Variants in ZDHHC8 observed in about 807,000 individuals in gnomAD.
The protein encoded by ZDHHC8 is palmitoyltransferase ZDHHC8.
ZDHHC8 carries 24 observed loss-of-function variants against 61.2 expected under a neutral mutation model. The ratio of observed to expected loss-of-function variants is 0.39; its 90% CI spans 0.28 to 0.55. ZDHHC8 has a LOEUF of 0.55. Ranked by LOEUF, ZDHHC8 falls within the 20% of genes least tolerant of loss-of-function variation. The pLI is 0.60. For synonymous variants in ZDHHC8, 523 were observed against 492.5 expected (o/e 1.06, Z -0.82); for missense variants, 935 against 1,102.1 (o/e 0.85, Z 2.15).
chr22:20,132,838 G>C (rs1410658925), intron 1 of ZDHHC8, among the ~76,000 whole-genome samples: 1 of 152,262 alleles, frequency 6.6e-6, no homozygotes, highest in African/African-American at 2.4e-5. Flanking sequence ...TGTGGCTGTG[G>C]GGTCACCCCA....
At chr22:20,141,610 C>T (rs1325900091) in intron 9 of ZDHHC8, 80 bp downstream of exon 9, 25 of 1,172,166 alleles carry the variant, frequency 2.1e-5, no homozygotes, top group African/African-American at 7.7e-5. Flanking sequence ...GCCTTCACCC[C>T]GTGAAGGCCC....
chr22:20,139,534 G>A lies in ZDHHC8; in HGVS notation c.283G>A (p.Asp95Asn). The change falls in exon 3 of 11, where the codon GAT (aspartate) becomes AAT (asparagine). Residue 95 changes from aspartate to asparagine, a missense_variant. This residue lies in a region of ZDHHC8 where 199 missense variants were observed against 334.0 expected (regional missense o/e 0.60). Coordinates refer to ENST00000334554, the MANE Select transcript of ZDHHC8 (RefSeq NM_013373.4). ...DFRAPLYKNVDVRGIQVRMKW... is the reference protein window; with the variant it reads ...DFRAPLYKNVNVRGIQVRMKW... ...CCGGGCTCCGCTGTACAAGAACGTGGATGTGCGAGGTATCCAGGTCCGCAT... is the reference window on the plus strand; with the variant it reads ...CCGGGCTCCGCTGTACAAGAACGTGAATGTGCGAGGTATCCAGGTCCGCAT... The A allele has an allele frequency of 1.2e-6, 2 of 1,613,540 alleles. No homozygotes were observed. Among genetic ancestry groups the A allele is most frequent in the Non-Finnish European group, 1.7e-6 (2 of 1,180,004 alleles).
In ZDHHC8 at chr22:20,147,416, C is replaced by T. The variant is rs2050538383; in HGVS notation, c.*2016C>T. On this transcript the variant is annotated 3_prime_UTR_variant, in exon 11 of 11. Transcript: ENST00000334554. ...CTGTGTCCACATGACCTCAGGGAGTCCCCCACCTGCTGCAGGGGGTCCAGC... is the reference window on the plus strand; with the variant it reads ...CTGTGTCCACATGACCTCAGGGAGTTCCCCACCTGCTGCAGGGGGTCCAGC... 2 of 566,418 alleles carry T rather than the reference C, an allele frequency of 3.5e-6. No individual in the cohort carries two copies. The highest frequency in any genetic ancestry group is 2.9e-6 in the Non-Finnish European group (1 of 350,762). 35.1% of individuals were successfully genotyped at this position (566,418 alleles called of 1,614,324 possible). A position where few individuals can be genotyped will look rare whatever the true frequency, so the allele number is the denominator to read the frequency against.
At chr22:20,135,428 G>A (rs1202976620) in intron 1 of ZDHHC8, among the ~76,000 whole-genome samples, 2 of 152,226 alleles carry the variant, frequency 1.3e-5, no homozygotes, top group African/African-American at 2.4e-5. Context: ...GTGAATGTCC[G>A]AGGGCTGGGG....
At position 20,143,370 on chromosome 22, in the gene ZDHHC8, C is replaced by T. The variant is rs191306598; in HGVS notation, c.1740C>T (p.Asp580=). The T allele has an allele frequency of 3.2e-4, 505 of 1,584,606 alleles. No homozygotes were observed. The highest frequency in any genetic ancestry group is 4.0e-4 in the Non-Finnish European group (462 of 1,169,072). The change falls in exon 10 of 11, where the codon GAC becomes GAT. Residue 580 remains aspartate, a synonymous_variant. Coordinates refer to ENST00000334554, the MANE Select transcript of ZDHHC8 (RefSeq NM_013373.4). ...TCTTCGGCGACTCAGGCGTCTATGA[C>T]GCTCCCAGCTCCTACAGCCTGCAGC... The part of the protein sequence containing the change: ...DSLFGDSGVY[D]APSSYSLQQA...
Position 20,145,480 on chromosome 22 carries a change from T to G in ZDHHC8, c.*80T>G. The G allele has an allele frequency of 7.5e-7, 1 of 1,338,078 alleles. No homozygotes were observed. The highest frequency in any genetic ancestry group is 1.9e-5 in the South Asian group (1 of 53,858). 82.9% of individuals were successfully genotyped at this position (1,338,078 alleles called of 1,614,324 possible). On this transcript the variant is annotated 3_prime_UTR_variant, in exon 11 of 11. Transcript: ENST00000334554. ...CACCCCCCCTCCCCACCAACTTCTC[T>G]GCCCCAGGGACCCGAGGCCACCCCA...
intron 5 of ZDHHC8, 119 bp downstream of exon 5, chr22:20,140,336 G>T: frequency 9.2e-7 from 1 of 1,090,368 alleles, no homozygotes; most frequent in Non-Finnish European, 1.3e-6. Flanking sequence ...GTGTTGAGAC[G>T]AGGCTCCAAC....
At chr22:20,137,621 C>T (rs1482079158) in intron 1 of ZDHHC8, among the ~76,000 whole-genome samples, 2 of 152,388 alleles carry the variant, frequency 1.3e-5, no homozygotes, top group East Asian at 1.9e-4. Flanking sequence ...TCATTTTGCA[C>T]AGACTATGTA....
rs752072853 is a variant in ZDHHC8 at position 20,142,991 on chromosome 22, A to AG, written c.1368dup (p.Pro457AlafsTer7). On this transcript the variant is annotated frameshift_variant, in exon 10 of 11. Transcript: ENST00000334554. LOFTEE classifies it high-confidence loss of function. ...GTGGCCCTGCAGCCCCTGCGCTCTG[A>AG]GGGGGGGCCCCCCACGCCCCACCGT... The AG allele has an allele frequency of 1.2e-6, 2 of 1,605,708 alleles. No homozygotes were observed. The highest frequency in any genetic ancestry group is 1.1e-5 in the South Asian group (1 of 90,648).
In ZDHHC8 at chr22:20,147,200, C is replaced by G; in HGVS notation, c.*1800C>G. 6.7e-7 allele frequency: 1 copy of G among 1,503,672 alleles called. No individual in the cohort carries two copies. Among genetic ancestry groups the G allele is most frequent in the Non-Finnish European group, 8.9e-7 (1 of 1,123,760 alleles). The allele number at this position is 1,503,672 out of a possible 1,614,324, so 93.1% of individuals were successfully genotyped here. A position where few individuals can be genotyped will look rare whatever the true frequency, so the allele number is the denominator to read the frequency against. On this transcript the variant is annotated 3_prime_UTR_variant, in exon 11 of 11. Coordinates refer to ENST00000334554, the MANE Select transcript of ZDHHC8 (RefSeq NM_013373.4). ...ATGTGCCGCCTGCACTTGGCTGCCT[C>G]CAGTCTTTTCCCCAGCCTCTCGGGG...
intron 1 of ZDHHC8, among the ~76,000 whole-genome samples, chr22:20,137,911 C>G (rs975319299): frequency 2.0e-5 from 3 of 152,236 alleles, no homozygotes; most frequent in Non-Finnish European, 4.4e-5. Context: ...GCTGTGTCCT[C>G]ACCCTGGTGT....
At position 20,132,846 on chromosome 22, in the gene ZDHHC8, C is replaced by G. The variant is rs536696624; in HGVS notation, c.104+795C>G. 5.2e-4 allele frequency among the ~76,000 whole-genome samples: 79 copies of G among 152,348 alleles called. 1 individual carries two copies. The highest frequency in any genetic ancestry group is 1.1e-3 in the Non-Finnish European group (74 of 68,016). On this transcript the variant is annotated intron_variant, in intron 1 of 10. Coordinates refer to ENST00000334554, the MANE Select transcript of ZDHHC8 (RefSeq NM_013373.4). ...CTCCCTCTGTGGCTGTGGGGTCACCCCAGGGCTCCTTCAGGCACAAGGAGG... is the reference window on the plus strand; with the variant it reads ...CTCCCTCTGTGGCTGTGGGGTCACCGCAGGGCTCCTTCAGGCACAAGGAGG...
chr22:20,134,174 C>T (rs2050401581), intron 1 of ZDHHC8, among the ~76,000 whole-genome samples: 1 of 152,268 alleles, frequency 6.6e-6, no homozygotes, highest in African/African-American at 2.4e-5. Flanking sequence ...GTCCCTGTAG[C>T]AGGATGGTGG....
Position 20,147,056 on chromosome 22 carries a change from G to A in ZDHHC8, c.*1656G>A, listed in dbSNP as rs1283411666. ...GGCACCTGCACCCGTGGATGGGGGC[G>A]GCGTGGCCAGCCTTGGGTGCCTCCT... is the stretch of plus-strand genomic sequence containing the variant. On this transcript the variant is annotated 3_prime_UTR_variant, in exon 11 of 11. Transcript: ENST00000334554. 20 of 1,470,704 alleles carry A rather than the reference G, an allele frequency of 1.4e-5. No individual in the cohort carries two copies. The highest frequency in any genetic ancestry group is 1.2e-4 in the South Asian group (9 of 74,560). 91.1% of individuals were successfully genotyped at this position (1,470,704 alleles called of 1,614,324 possible).
rs532138506 is a variant in ZDHHC8, at chr22:20,134,804, C to T, written c.104+2753C>T. ...TCTTGGGACCAGCAGGACATTCACA[C>T]ATCTCTCTAGGAGGGTCTGGGCATG... is the stretch of plus-strand genomic sequence containing the variant. On this transcript the variant is annotated intron_variant, in intron 1 of 10. Coordinates refer to ENST00000334554, the MANE Select transcript of ZDHHC8 (RefSeq NM_013373.4). Among the ~76,000 whole-genome samples, 4 of 152,314 alleles carry T rather than the reference C, an allele frequency of 2.6e-5. No homozygotes were observed. The East Asian group carries it at 7.7e-4, about 29-fold the overall frequency.
Position 20,147,259 on chromosome 22 carries a change from C to T in ZDHHC8, c.*1859C>T, listed in dbSNP as rs1432994205. 1.4e-6 allele frequency: 2 copies of T among 1,413,566 alleles called. No homozygotes were observed. The highest frequency in any genetic ancestry group is 1.8e-6 in the Non-Finnish European group (2 of 1,082,154). 87.6% of individuals were successfully genotyped at this position (1,413,566 alleles called of 1,614,324 possible). A position where few individuals can be genotyped will look rare whatever the true frequency, so the allele number is the denominator to read the frequency against. On this transcript the variant is annotated 3_prime_UTR_variant, in exon 11 of 11. Transcript: ENST00000334554. ...GGATGACAAGTAGGCGGCTCTGGGGCCCAGGACAGCCCAGCTGGGGACCCA... is the reference window on the plus strand; with the variant it reads ...GGATGACAAGTAGGCGGCTCTGGGGTCCAGGACAGCCCAGCTGGGGACCCA...
At chr22:20,138,275 C>T (rs1208299707) in intron 1 of ZDHHC8, among the ~76,000 whole-genome samples, 1 of 152,266 alleles carries the variant, frequency 6.6e-6, no homozygotes, top group African/African-American at 2.4e-5. Flanking sequence ...GTTCCTGTCC[C>T]TGCTGCTTGT....
intron 6 of ZDHHC8, 66 bp downstream of exon 6, chr22:20,140,774 C>T (rs2050461238): frequency 5.6e-6 from 9 of 1,593,296 alleles, no homozygotes; most frequent in East Asian, 2.2e-5. Context: ...AGCCTTAGAC[C>T]CTCTTGGTCC....
In ZDHHC8 at chr22:20,139,291, A is replaced by G. The variant is rs745578129; in HGVS notation, c.202A>G (p.Met68Val). ...VLANFSMATFMDPGVFPRADE... is the reference protein window; with the variant it reads ...VLANFSMATFVDPGVFPRADE... ...GGCCAACTTCAGCATGGCCACTTTCATGGACCCTGGTGTTTTCCCCCGAGG... is the reference window on the plus strand; with the variant it reads ...GGCCAACTTCAGCATGGCCACTTTCGTGGACCCTGGTGTTTTCCCCCGAGG... The change falls in exon 2 of 11, where the codon ATG becomes GTG. Residue 68 changes from methionine (M) to valine (V), a missense_variant. Coordinates refer to ENST00000334554, the MANE Select transcript of ZDHHC8 (RefSeq NM_013373.4). 1 of 1,613,820 alleles carries G rather than the reference A, an allele frequency of 6.2e-7. No individual in the cohort carries two copies. The highest frequency in any genetic ancestry group is 1.1e-5 in the South Asian group (1 of 91,080).
Sources: gnomAD v4.1 joint callset for allele counts (sites outside exome capture counted in the v4.1 genomes callset) on GRCh38, gnomAD v4.1.1 for gene constraint, gnomAD v4.1.1 regional missense constraint, MANE v1.5 for transcripts, NCBI Gene and HGNC (gene_info 2026-07-23, HGNC 2026-07-21) for gene names.